The following AGBL4 variants were observed in gnomAD, a reference collection of about 807,000 sequenced individuals.
AGBL4 encodes cytosolic carboxypeptidase 6.
Under a neutral mutation model 66.4 loss-of-function variants are expected in AGBL4, and 58 were observed. The ratio of observed to expected loss-of-function variants is 0.87; its 90% CI spans 0.71 to 1.09. The LOEUF (loss-of-function observed/expected upper bound fraction) is 1.09. AGBL4 is among the 50% of genes least tolerant of loss of function. The pLI, the probability that AGBL4 is intolerant of heterozygous loss-of-function variation, is 0.00. For synonymous variants in AGBL4, 234 were observed against 222.9 expected (o/e 1.05, Z -0.44); for missense variants, 579 against 631.0 (o/e 0.92, Z 0.88).
chr1:49,529,041 T>A (rs547121531), intron 3 of AGBL4, among the ~76,000 whole-genome samples: 1 of 152,120 alleles, frequency 6.6e-6, no homozygotes, highest in South Asian at 2.1e-4. Flanking sequence ...TAAGATCAGA[T>A]TATTATTTTA....
At position 49,530,273 on chromosome 1, in the gene AGBL4, C is replaced by CA. The variant is rs1171374859; in HGVS notation, c.282+167039dup. Among the ~76,000 whole-genome samples, 10 of 111,928 alleles carry CA rather than the reference C, an allele frequency of 8.9e-5. 2 individuals carry two copies. Among genetic ancestry groups the CA allele is most frequent in the Non-Finnish European group, 1.2e-4 (7 of 57,386 alleles). The allele number at this position is 111,928 out of a possible 152,430, so 73.4% of individuals were successfully genotyped here. On this transcript the variant is annotated intron_variant, in intron 3 of 13. Transcript: ENST00000371839. ...AGTAGAATTTGTAAAAAAAAAAAAA[C>CA]AAAAAAAAACTCTATGAGTTTTTTT...
intron 3 of AGBL4, among the ~76,000 whole-genome samples, chr1:49,529,765 G>A (rs1650948032): frequency 6.6e-6 from 1 of 152,028 alleles, no homozygotes; most frequent in Non-Finnish European, 1.5e-5. Context: ...ATGCTCAAGG[G>A]TACATGTGTA....
intron 5 of AGBL4, among the ~76,000 whole-genome samples, chr1:48,933,597 C>T (rs1359933650): frequency 6.6e-6 from 1 of 152,190 alleles, no homozygotes; most frequent in Non-Finnish European, 1.5e-5. Flanking sequence ...GCTCTATATC[C>T]TAATAATAGG....
At chr1:48,942,568 C>T (rs1293031004) in intron 5 of AGBL4, among the ~76,000 whole-genome samples, 3 of 152,198 alleles carry the variant, frequency 2.0e-5, no homozygotes, top group African/African-American at 4.8e-5. Context: ...GTCAGCTCTA[C>T]TCCCCATATT....
chr1:48,833,087 C>T (rs1646593106), intron 6 of AGBL4, among the ~76,000 whole-genome samples: 1 of 152,158 alleles, frequency 6.6e-6, no homozygotes, highest in African/African-American at 2.4e-5. Flanking sequence ...TTCTGTTTAT[C>T]TACAGAACCC....
intron 6 of AGBL4, among the ~76,000 whole-genome samples, chr1:48,735,802 T>A (rs2148573997): frequency 6.6e-6 from 1 of 151,828 alleles, no homozygotes; most frequent in African/African-American, 2.4e-5. Flanking sequence ...ACAGCAGCAT[T>A]CCTTTCCCAT....
intron 6 of AGBL4, among the ~76,000 whole-genome samples, chr1:48,689,220 A>G (rs1430225759): frequency 7.5e-6 from 1 of 133,986 alleles, no homozygotes; most frequent in Non-Finnish European, 1.5e-5. Flanking sequence ...AAAAAAAAAA[A>G]AAAGAAAAGA....
At chr1:48,607,845 C>CA (rs1436141047) in intron 9 of AGBL4, among the ~76,000 whole-genome samples, 4 of 152,212 alleles carry the variant, frequency 2.6e-5, no homozygotes, top group East Asian at 1.9e-4. Flanking sequence ...ATCAAGCATA[C>CA]AAAAAATCAG....
chr1:49,137,333 A>T (rs562695578), intron 4 of AGBL4, among the ~76,000 whole-genome samples: 1 of 152,278 alleles, frequency 6.6e-6, no homozygotes, highest in South Asian at 2.1e-4. Context: ...ATACGAAAAT[A>T]AAATGATGGA....
At chr1:49,305,355 C>T (rs917906545) in intron 3 of AGBL4, among the ~76,000 whole-genome samples, 2 of 152,122 alleles carry the variant, frequency 1.3e-5, no homozygotes, top group African/African-American at 2.4e-5. Context: ...CCTGCAGATA[C>T]CAAAATCCAC....
intron 5 of AGBL4, among the ~76,000 whole-genome samples, chr1:48,887,852 G>A (rs1269613540): frequency 5.3e-5 from 8 of 152,124 alleles, no homozygotes; most frequent in Non-Finnish European, 1.2e-4. Context: ...GCTCCTTGAG[G>A]ACCTATCTCC....
chr1:49,435,926 A>G (rs1645893192), intron 3 of AGBL4, among the ~76,000 whole-genome samples: 1 of 152,154 alleles, frequency 6.6e-6, no homozygotes, highest in Non-Finnish European at 1.5e-5. Context: ...TGCTTTTTCT[A>G]TTATGCTCTT....
intron 4 of AGBL4, among the ~76,000 whole-genome samples, chr1:49,210,320 T>C (rs1648566762): frequency 6.6e-6 from 1 of 152,130 alleles, no homozygotes; most frequent in Non-Finnish European, 1.5e-5. Context: ...TACTAAGTTA[T>C]ACCAGGATTT....
At position 49,677,690 on chromosome 1, in the gene AGBL4, T is replaced by C. The variant is rs541312326; in HGVS notation, c.282+19623A>G. Among the ~76,000 whole-genome samples the C allele has an allele frequency of 8.5e-5, 13 of 152,228 alleles. No individual in the cohort carries two copies. In the East Asian group the frequency reaches 2.3e-3, roughly 27 times the overall value. ...AATTGTGACCCCCAAAATTAGTATTTTGAAGACCTCTCAATGTGATGACAT... is the reference window on the plus strand; with the variant it reads ...AATTGTGACCCCCAAAATTAGTATTCTGAAGACCTCTCAATGTGATGACAT... On this transcript the variant is annotated intron_variant, in intron 3 of 13. Transcript: ENST00000371839.
At chr1:48,535,467 G>A (rs1292759885) in intron 12 of AGBL4, among the ~76,000 whole-genome samples, 4 of 152,116 alleles carry the variant, frequency 2.6e-5, no homozygotes, top group Non-Finnish European at 5.9e-5. Flanking sequence ...TGATGTGTAC[G>A]CTTTTTCTCT....
At chr1:48,763,188 G>T (rs925106048) in intron 6 of AGBL4, among the ~76,000 whole-genome samples, 1 of 152,148 alleles carries the variant, frequency 6.6e-6, no homozygotes, top group African/African-American at 2.4e-5. Context: ...AAAAAAAGAG[G>T]TGGTCTTTGT....
intron 5 of AGBL4, among the ~76,000 whole-genome samples, chr1:49,023,107 A>G (rs1663372857): frequency 6.6e-6 from 1 of 152,236 alleles, no homozygotes; most frequent in South Asian, 2.1e-4. Context: ...TGAGTCAACA[A>G]GAGAAAAGCT....
chr1:48,623,606 T>A (rs1307355181), intron 9 of AGBL4, among the ~76,000 whole-genome samples: 2 of 152,268 alleles, frequency 1.3e-5, no homozygotes, highest in Non-Finnish European at 2.9e-5. Flanking sequence ...CTATTTGATG[T>A]ACCACAGTGA....
intron 3 of AGBL4, among the ~76,000 whole-genome samples, chr1:49,694,722 T>G (rs1000140614): frequency 2.0e-5 from 3 of 152,160 alleles, no homozygotes; most frequent in Non-Finnish European, 4.4e-5. Context: ...ATAAGTAAGT[T>G]ATAACACTCT....
Sources: gnomAD v4.1 joint callset for allele counts (sites outside exome capture counted in the v4.1 genomes callset) on GRCh38, gnomAD v4.1.1 for gene constraint, MANE v1.5 for transcripts, NCBI Gene and HGNC (gene_info 2026-07-23, HGNC 2026-07-21) for gene names.